EXOC2: variants seen among roughly 807,000 people sequenced by gnomAD.
The protein encoded by EXOC2 is exocyst complex component 2, also known as SEC5-like 1.
In EXOC2, 70 loss-of-function variants were observed where a neutral mutation model predicts 131.8. The observed-to-expected ratio is 0.53, with a 90% CI of 0.44 to 0.65. The LOEUF (loss-of-function observed/expected upper bound fraction) is 0.65, where lower values mean the gene tolerates loss of function less well. Among genes scored for constraint, EXOC2 ranks in the 30% least tolerant of loss-of-function variants. EXOC2 has a pLI of 0.00. For missense variants in EXOC2, 923 were observed against 1,108.6 expected, an observed-to-expected ratio of 0.83 and a Z score of 2.38; for synonymous variants, 411 against 398.4, an observed-to-expected ratio of 1.03 and a Z score of -0.38.
At chr6:501,325 ATATATATC>A (rs1404052993) in intron 23 of EXOC2, among the ~76,000 whole-genome samples, 10 of 710 alleles carry the variant, frequency 0.014, no homozygotes, top group African/African-American at 0.038. Flanking sequence ...TATATATATT[ATATATATC>A]TATATATATT....
chr6:592,554 A>G lies in EXOC2; in HGVS notation c.1107T>C (p.Pro369=). The G allele has an allele frequency of 6.2e-7, 1 of 1,614,170 alleles. No individual in the cohort carries two copies. The highest frequency in any genetic ancestry group is 8.5e-7 in the Non-Finnish European group (1 of 1,180,004). The change falls in exon 11 of 28, where the codon CCT becomes CCC. Residue 369 remains proline (P), a synonymous_variant. Transcript: ENST00000230449. ...YLSDLHASGD[P]AWQCIGAQHK... Reference sequence around the variant, plus strand: ...GTTGGGCTCCAATGCATTGCCAAGCAGGGTCACCAGACGCATGAAGGTCAG... The same window carrying G: ...GTTGGGCTCCAATGCATTGCCAAGCGGGGTCACCAGACGCATGAAGGTCAG...
chr6:596,358 C>T (rs745559770), intron 10 of EXOC2, among the ~76,000 whole-genome samples: 7 of 151,846 alleles, frequency 4.6e-5, no homozygotes, highest in Non-Finnish European at 8.8e-5. Flanking sequence ...TCAGGCCAGA[C>T]GCTCTTTTCA....
At chr6:552,882 C>T (rs933064297) in intron 21 of EXOC2, among the ~76,000 whole-genome samples, 6 of 151,916 alleles carry the variant, frequency 3.9e-5, no homozygotes, top group African/African-American at 1.2e-4. Context: ...ACACACACCC[C>T]CCCTTCAAAC....
intron 22 of EXOC2, among the ~76,000 whole-genome samples, chr6:533,840 C>T (rs1041619468): frequency 3.5e-4 from 53 of 152,276 alleles, no homozygotes; most frequent in African/African-American, 1.3e-3. Flanking sequence ...ATAGGCTTCT[C>T]TCCAATGCCA....
intron 25 of EXOC2, among the ~76,000 whole-genome samples, chr6:494,018 C>T (rs757014091): frequency 1.3e-5 from 2 of 152,174 alleles, no homozygotes; most frequent in African/African-American, 4.8e-5. Context: ...CCCACAGTAG[C>T]GACTGCGACT....
At chr6:643,007 T>C (rs1462137571) in intron 1 of EXOC2, among the ~76,000 whole-genome samples, 4 of 151,906 alleles carry the variant, frequency 2.6e-5, no homozygotes, top group Non-Finnish European at 4.4e-5. Flanking sequence ...GGGGAAGTGA[T>C]ACCACAAAGC....
At chr6:660,393 A>G (rs1014419079) in intron 1 of EXOC2, among the ~76,000 whole-genome samples, 3 of 152,168 alleles carry the variant, frequency 2.0e-5, no homozygotes, top group Non-Finnish European at 2.9e-5. Context: ...CAGGGAGTCC[A>G]TTGCACCCTC....
At chr6:686,970 C>T (rs9504760) in intron 1 of EXOC2, among the ~76,000 whole-genome samples, 21,746 of 151,800 alleles carry the variant, frequency 0.14, 1,720 homozygotes, top group African/African-American at 0.21. Flanking sequence ...TACAAGAGCA[C>T]AGCATTATTT....
At chr6:502,329 C>G (rs1447479644) in intron 23 of EXOC2, among the ~76,000 whole-genome samples, 3 of 152,158 alleles carry the variant, frequency 2.0e-5, no homozygotes, top group Non-Finnish European at 4.4e-5. Flanking sequence ...GCAAGGATGA[C>G]TGGAAATGCG....
At chr6:566,742 T>A (rs989561049) in intron 13 of EXOC2, among the ~76,000 whole-genome samples, 5 of 152,268 alleles carry the variant, frequency 3.3e-5, no homozygotes, top group African/African-American at 1.2e-4. Context: ...TGGCTTCAAA[T>A]ATCATTTCTA....
At chr6:503,113 T>C (rs1212102121) in intron 23 of EXOC2, among the ~76,000 whole-genome samples, 1 of 152,100 alleles carries the variant, frequency 6.6e-6, no homozygotes, top group African/African-American at 2.4e-5. Flanking sequence ...AATAAATCAT[T>C]GATGGTCTCT....
rs538937548 is a variant in EXOC2 at position 575,212 on chromosome 6, CTT to C, written c.1318+1543_1318+1544del. Among the ~76,000 whole-genome samples the C allele has an allele frequency of 2.8e-3, 421 of 152,336 alleles. 1 individual carries two copies. Among genetic ancestry groups the C allele is most frequent in the African/African-American group, 9.4e-3 (390 of 41,578 alleles). ...ATTGCCCGTGTGCCCCGAGAACACT[CTT>C]GTCTCTAATCCTAATGGAACACCAT... is the stretch of plus-strand genomic sequence containing the variant. On this transcript the variant is annotated intron_variant, in intron 12 of 27. Transcript: ENST00000230449.
At chr6:602,427 CCAAGAACACCCCG>C in intron 7 of EXOC2, among the ~76,000 whole-genome samples, 1 of 39,308 alleles carries the variant, frequency 2.5e-5, no homozygotes, top group Admixed American at 2.7e-4. Context: ...CATTCTCACA[CCAAGAACACCCCG>C]TGTGCAAATC....
At chr6:656,209 G>T in intron 1 of EXOC2, 1 of 1,614,206 alleles carries the variant, frequency 6.2e-7, no homozygotes, top group Non-Finnish European at 8.5e-7. Flanking sequence ...GTCGTAGGAT[G>T]TATTTGCTGT....
At chr6:638,507 T>A (rs532810025) in intron 1 of EXOC2, among the ~76,000 whole-genome samples, 3 of 152,368 alleles carry the variant, frequency 2.0e-5, no homozygotes, top group South Asian at 4.1e-4. Context: ...TTACTAAATC[T>A]GTTCTAAATC....
intron 4 of EXOC2, among the ~76,000 whole-genome samples, chr6:622,456 G>A (rs76612587): frequency 0.018 from 2,712 of 152,232 alleles, 97 homozygotes; most frequent in African/African-American, 0.062. Flanking sequence ...GCTGTGCCTC[G>A]GTGTTTCTCT....
At chr6:501,643 A>G (rs1174068000) in intron 23 of EXOC2, among the ~76,000 whole-genome samples, 5 of 102,724 alleles carry the variant, frequency 4.9e-5, no homozygotes, top group African/African-American at 1.5e-4. Context: ...ATATATCGAT[A>G]TATATAGATA....
intron 1 of EXOC2, among the ~76,000 whole-genome samples, chr6:653,617 G>A (rs974007239): frequency 1.6e-4 from 25 of 152,184 alleles, no homozygotes; most frequent in African/African-American, 5.6e-4. Flanking sequence ...TAAGGTTTAC[G>A]GAAAGAAGCT....
At chr6:685,165 G>A (rs1037823680) in intron 1 of EXOC2, among the ~76,000 whole-genome samples, 5 of 150,846 alleles carry the variant, frequency 3.3e-5, no homozygotes, top group South Asian at 2.1e-4. Context: ...CCTCCCAAAC[G>A]TCCACCCTTC....
Sources: gnomAD v4.1 joint callset for allele counts (sites outside exome capture counted in the v4.1 genomes callset) on GRCh38, gnomAD v4.1.1 for gene constraint, MANE v1.5 for transcripts, NCBI Gene and HGNC (gene_info 2026-07-23, HGNC 2026-07-21) for gene names.